Variants in SMOC2 observed in about 807,000 individuals in gnomAD.
SMOC2 encodes the protein SPARC related modular calcium binding 2, also known as SPARC-related modular calcium-binding protein 2.
Under a neutral mutation model 61.4 loss-of-function variants are expected in SMOC2, and 39 were observed. The ratio of observed to expected loss-of-function variants is 0.64; its 90% CI spans 0.49 to 0.83. The LOEUF (loss-of-function observed/expected upper bound fraction) is 0.83, where lower values mean the gene tolerates loss of function less well. Ranked by LOEUF, SMOC2 falls within the 40% of genes least tolerant of loss-of-function variation. The probability of loss-of-function intolerance (pLI) is 0.00; values close to 1 mark genes in which losing one functional copy is unlikely to be tolerated. For synonymous variants in SMOC2, 247 were observed against 239.9 expected, an observed-to-expected ratio of 1.03 and a Z score of -0.27; for missense variants, 556 against 592.9, an observed-to-expected ratio of 0.94 and a Z score of 0.65.
At chr6:168,645,960 C>T (rs996760140) in intron 9 of SMOC2, among the ~76,000 whole-genome samples, 6 of 152,184 alleles carry the variant, frequency 3.9e-5, no homozygotes, top group African/African-American at 1.2e-4. Context: ...TGAATACCTG[C>T]GTGCACACAC....
chr6:168,509,377 G>A (rs559102313), intron 1 of SMOC2, among the ~76,000 whole-genome samples: 6 of 152,296 alleles, frequency 3.9e-5, no homozygotes, highest in African/African-American at 1.4e-4. Flanking sequence ...GTCCAATTGA[G>A]TGCAGTCTAG....
intron 4 of SMOC2, among the ~76,000 whole-genome samples, chr6:168,531,975 G>A (rs1037009857): frequency 3.3e-5 from 5 of 152,224 alleles, no homozygotes; most frequent in African/African-American, 1.2e-4. Context: ...GGCAAATGGT[G>A]TGGTGCCTTG....
At chr6:168,564,388 A>G (rs1410086393) in intron 7 of SMOC2, among the ~76,000 whole-genome samples, 3 of 152,200 alleles carry the variant, frequency 2.0e-5, no homozygotes, top group Non-Finnish European at 4.4e-5. Context: ...CTGTCTAATC[A>G]TGTATACTGC....
At position 168,573,612 on chromosome 6, in the gene SMOC2, A is replaced by G. The variant is rs1346603096; in HGVS notation, c.637+24409A>G. On this transcript the variant is annotated intron_variant, in intron 7 of 12. Coordinates refer to ENST00000356284, the MANE Select transcript of SMOC2 (RefSeq NM_001166412.2). The stretch of plus-strand genomic sequence containing the variant: ...CACGTGCAGGCAGCGAGCGCCTGCG[A>G]CAGGGCAGAGAGCAGCATGCATGGG... Among the ~76,000 whole-genome samples the G allele has an allele frequency of 2.0e-5, 3 of 152,130 alleles. No homozygotes were observed. In the East Asian group the frequency reaches 5.8e-4, roughly 30 times the overall value.
At chr6:168,617,987 A>T (rs1282986801) in intron 9 of SMOC2, among the ~76,000 whole-genome samples, 1 of 152,188 alleles carries the variant, frequency 6.6e-6, no homozygotes, top group African/African-American at 2.4e-5. Flanking sequence ...TGCCAGGTTT[A>T]TGGGGTCTGC....
chr6:168,628,491 ACT>A (rs1786476672), intron 9 of SMOC2, among the ~76,000 whole-genome samples: 1 of 152,210 alleles, frequency 6.6e-6, no homozygotes, highest in Admixed American at 6.5e-5. Context: ...GTCTCCGGAC[ACT>A]CTGTAGTAGA....
In SMOC2 at chr6:168,653,217, A is replaced by G. The variant is rs781605111; in HGVS notation, c.1274A>G (p.Lys425Arg). ...AAAGAGGACGGCAAAGCGGACACCAAGAAACGCCACAGTAAGAGCTTTCCC... is the reference window on the plus strand; with the variant it reads ...AAAGAGGACGGCAAAGCGGACACCAGGAAACGCCACAGTAAGAGCTTTCCC... ...VAKEDGKADTKKRHTPRGHAE... is the reference protein window; with the variant it reads ...VAKEDGKADTRKRHTPRGHAE... Residue 425 changes from lysine (K) to arginine (R), a missense_variant, in exon 11 of 13, where the codon AAG (lysine) becomes AGG (arginine). Transcript: ENST00000356284. The G allele has an allele frequency of 1.2e-6, 2 of 1,612,846 alleles. No homozygotes were observed. The highest frequency in any genetic ancestry group is 2.2e-5 in the East Asian group (1 of 44,864).
intron 9 of SMOC2, among the ~76,000 whole-genome samples, chr6:168,640,839 G>A (rs988561414): frequency 6.6e-6 from 1 of 152,164 alleles, no homozygotes; most frequent in East Asian, 1.9e-4. Flanking sequence ...AACTACATAT[G>A]CGGGGAAAGA....
At position 168,608,168 on chromosome 6, in the gene SMOC2, C is replaced by T. The variant is rs1275739503; in HGVS notation, c.836C>T (p.Pro279Leu). Residue 279 changes from proline (P) to leucine (L), a missense_variant, in exon 9 of 13, where the codon CCG becomes CTG. Transcript: ENST00000356284. Reference protein sequence around the residue: ...IPGTSTRYEQPKCDNTARAHP... With the variant: ...IPGTSTRYEQLKCDNTARAHP... ...CCCCCCGCCCATAGGTACGAGCAGC[C>T]GAAATGTGACAACACGGCCAGGGCC... is the stretch of plus-strand genomic sequence containing the variant. 7 of 1,613,630 alleles carry T rather than the reference C, an allele frequency of 4.3e-6. No homozygotes were observed. Among genetic ancestry groups the T allele is most frequent in the Non-Finnish European group, 4.2e-6 (5 of 1,179,924 alleles).
intron 7 of SMOC2, among the ~76,000 whole-genome samples, chr6:168,597,929 T>C (rs942241658): frequency 6.6e-6 from 1 of 152,248 alleles, no homozygotes; most frequent in Non-Finnish European, 1.5e-5. Context: ...ATGTCAGACA[T>C]ACATGTCTAA....
chr6:168,471,653 T>C (rs1226536322), intron 1 of SMOC2, among the ~76,000 whole-genome samples: 2 of 152,220 alleles, frequency 1.3e-5, no homozygotes, highest in Non-Finnish European at 2.9e-5. Context: ...CTATATCATT[T>C]TATATTCCCA....
intron 9 of SMOC2, among the ~76,000 whole-genome samples, chr6:168,613,068 GA>G (rs1483773832): frequency 6.6e-6 from 1 of 152,200 alleles, no homozygotes; most frequent in African/African-American, 2.4e-5. Context: ...CGAATGAGCA[GA>G]CTGGCTTTCC....
At position 168,558,771 on chromosome 6, in the gene SMOC2, G is replaced by A. The variant is rs116422858; in HGVS notation, c.637+9568G>A. On this transcript the variant is annotated intron_variant, in intron 7 of 12. Transcript: ENST00000356284. Reference sequence around the variant, plus strand: ...AATGTGTGTGTGTTTGTGCATGTGTGTGCACATGCGTATGTGTGGGTGTGC... The same window carrying A: ...AATGTGTGTGTGTTTGTGCATGTGTATGCACATGCGTATGTGTGGGTGTGC... Among the ~76,000 whole-genome samples the A allele has an allele frequency of 9.2e-3, 1,401 of 152,132 alleles. 21 individuals carry two copies. Among genetic ancestry groups the A allele is most frequent in the African/African-American group, 0.03 (1,244 of 41,506 alleles).
chr6:168,663,920 G>A (rs931065751), intron 11 of SMOC2, among the ~76,000 whole-genome samples, 154 bp from the exon 12 acceptor site: 9 of 152,082 alleles, frequency 5.9e-5, no homozygotes, highest in Non-Finnish European at 4.4e-5. Flanking sequence ...TGGATACTGA[G>A]GAATGACTGT....
intron 4 of SMOC2, among the ~76,000 whole-genome samples, chr6:168,538,135 G>A (rs1783777532): frequency 6.7e-6 from 1 of 149,014 alleles, no homozygotes; most frequent in African/African-American, 2.5e-5. Flanking sequence ...GACCGCTGCT[G>A]GAATCTGGGG....
chr6:168,484,893 G>A (rs976267280), intron 1 of SMOC2, among the ~76,000 whole-genome samples: 2 of 152,144 alleles, frequency 1.3e-5, no homozygotes, highest in Admixed American at 6.5e-5. Flanking sequence ...GCTACTTAGA[G>A]TCAACAAAGT....
chr6:168,516,396 A>G (rs1404963310), intron 2 of SMOC2, among the ~76,000 whole-genome samples: 1 of 151,746 alleles, frequency 6.6e-6, no homozygotes, highest in African/African-American at 2.4e-5. Context: ...AAAAAGCCAA[A>G]TGCCAGGAGA....
chr6:168,591,668 T>G (rs1785184136), intron 7 of SMOC2, among the ~76,000 whole-genome samples: 1 of 149,754 alleles, frequency 6.7e-6, no homozygotes, highest in Non-Finnish European at 1.5e-5. Context: ...ATATTATATA[T>G]GTATGCATGT....
At chr6:168,592,361 GGCCTC>G (rs1785206311) in intron 7 of SMOC2, among the ~76,000 whole-genome samples, 1 of 129,388 alleles carries the variant, frequency 7.7e-6, no homozygotes, top group Non-Finnish European at 1.7e-5. Context: ...TCCTTCCTGA[GGCCTC>G]ACGGGCATCT....
Sources: gnomAD v4.1 joint callset for allele counts (sites outside exome capture counted in the v4.1 genomes callset) on GRCh38, gnomAD v4.1.1 for gene constraint, MANE v1.5 for transcripts, NCBI Gene and HGNC (gene_info 2026-07-23, HGNC 2026-07-21) for gene names.